PABPC4: variants seen among roughly 807,000 people sequenced by gnomAD.
PABPC4 encodes the protein poly(A) binding protein cytoplasmic 4, also known as polyadenylate-binding protein 4.
In PABPC4, 15 loss-of-function variants were observed where a neutral mutation model predicts 74.5. That is an observed-to-expected ratio of 0.20 (90% CI 0.13 to 0.31). PABPC4 has a LOEUF of 0.31. PABPC4 is among the 10% of genes least tolerant of loss of function. The probability of loss-of-function intolerance (pLI) is 1.00; values close to 1 mark genes in which losing one functional copy is unlikely to be tolerated. For synonymous variants in PABPC4, 345 were observed against 303.0 expected (o/e 1.14, Z -1.44); for missense variants, 610 against 853.5 (o/e 0.71, Z 3.55).
rs900521443 is a variant in PABPC4, at chr1:39,560,875, C to T, written c.*261G>A. 9.9e-6 allele frequency: 2 copies of T among 203,014 alleles called. No individual in the cohort carries two copies. Among genetic ancestry groups the T allele is most frequent in the African/African-American group, 4.6e-5 (2 of 43,628 alleles). 12.6% of individuals were successfully genotyped at this position (203,014 alleles called of 1,614,324 possible). On this transcript the variant is annotated 3_prime_UTR_variant, in exon 16 of 16. Coordinates refer to ENST00000372858, the MANE Select transcript of PABPC4 (RefSeq NM_001135653.2). ...TAAGACTTGGGTACATCAAATAAAA[C>T]CAATTTCTGGGGGAAAAAATCAAAA...
chr1:39,565,057 A>G, intron 8 of PABPC4, 49 bp downstream of exon 8: 2 of 1,599,952 alleles, frequency 1.3e-6, no homozygotes, highest in South Asian at 1.1e-5. Flanking sequence ...ACTGCAGAAT[A>G]CTGCCAGCCG....
At position 39,564,726 on chromosome 1, in the gene PABPC4, C is replaced by A; in HGVS notation, c.1293G>T (p.Met431Ile). Residue 431 changes from methionine to isoleucine, a missense_variant, in exon 9 of 16, where the codon ATG becomes ATT. Met to Ile is a conservative substitution (Grantham distance 10). Around this residue, in one of 4 missense-constraint regions of PABPC4, gnomAD observed 277 missense variants for 301.8 expected, o/e 0.92. Coordinates refer to ENST00000372858, the MANE Select transcript of PABPC4 (RefSeq NM_001135653.2). The stretch of plus-strand genomic sequence containing the variant: ...CTTGCTGCCAGCGTGGATTAGGCCT[C>A]ATCTGTGCTAACTGGTTAGGTGTAT... ...PYYTPNQLAQ[M>I]RPNPRWQQGG... 6.2e-7 allele frequency: 1 copy of A among 1,614,158 alleles called. No homozygotes were observed. Among genetic ancestry groups the A allele is most frequent in the Non-Finnish European group, 8.5e-7 (1 of 1,180,020 alleles).
At chr1:39,563,963 A>G in intron 10 of PABPC4, 41 bp from the exon 11 acceptor site, 1 of 1,582,454 alleles carries the variant, frequency 6.3e-7, no homozygotes, top group Middle Eastern at 1.7e-4. Flanking sequence ...TTGGCGGCAG[A>G]TGTCCAACTG....
At position 39,575,743 on chromosome 1, in the gene PABPC4, C is replaced by A; in HGVS notation, c.193+16G>T. 6.4e-7 allele frequency: 1 copy of A among 1,562,210 alleles called. No homozygotes were observed. Among genetic ancestry groups the A allele is most frequent in the Non-Finnish European group, 8.7e-7 (1 of 1,149,332 alleles). On this transcript the variant is annotated intron_variant, in intron 1 of 15. Coordinates refer to ENST00000372858, the MANE Select transcript of PABPC4 (RefSeq NM_001135653.2). ...CTCCGGGCTCCCACGCACGTGTGGG[C>A]ACAGCTTCTACTCACCGTCGGCCGG... is the stretch of plus-strand genomic sequence containing the variant.
rs1329647174 is a variant in PABPC4 at position 39,568,943 on chromosome 1, GA to G, written c.739-5del. The G allele has an allele frequency of 6.2e-7, 1 of 1,607,000 alleles. No homozygotes were observed. The highest frequency in any genetic ancestry group is 8.5e-7 in the Non-Finnish European group (1 of 1,177,916). On this transcript the variant is annotated splice_polypyrimidine_tract_variant and splice_region_variant and intron_variant, in intron 5 of 15. Transcript: ENST00000372858. The stretch of plus-strand genomic sequence containing the variant: ...TTCCATTCATCTCTTCCACAGCCTA[GA>G]GAGGAAAAATATGTCTTTAAAATAA...
intron 2 of PABPC4, 111 bp from the exon 3 acceptor site, chr1:39,571,460 G>GTACTTGACCACCATT: frequency 8.0e-7 from 1 of 1,243,152 alleles, no homozygotes; most frequent in Non-Finnish European, 1.2e-6. Flanking sequence ...GGCCAATGGT[G>GTACTTGACCACCATT]GTCAAGTACA....
rs754954979 is a variant in PABPC4 at position 39,563,855 on chromosome 1, A to G, written c.1521T>C (p.Thr507=). The G allele has an allele frequency of 1.2e-6, 2 of 1,614,246 alleles. No homozygotes were observed. Among genetic ancestry groups the G allele is most frequent in the Middle Eastern group, 1.6e-4 (1 of 6,062 alleles). The change falls in exon 11 of 16, where the codon ACT becomes ACC. Residue 507 remains threonine (T), a synonymous_variant. Coordinates refer to ENST00000372858, the MANE Select transcript of PABPC4 (RefSeq NM_001135653.2). ...GGAGAAQQGL[T]DSCQSGGVPT... ...TACCACCTCCAGACTGGCAGCTGTC[A>G]GTCAGCCCTTGCTGGGCGGCACCAG...
rs1210802058 is a variant in PABPC4 at position 39,576,777 on chromosome 1, C to G, written c.-826G>C. On this transcript the variant is annotated 5_prime_UTR_variant, in exon 1 of 16. Coordinates refer to ENST00000372858, the MANE Select transcript of PABPC4 (RefSeq NM_001135653.2). Reference sequence around the variant, plus strand: ...GAAAGCGGCGGAGGCGGCAGCGACCCGGGGCGGAGAGAGGCGGCCGAGGGA... The same window carrying G: ...GAAAGCGGCGGAGGCGGCAGCGACCGGGGGCGGAGAGAGGCGGCCGAGGGA... 2 of 150,008 alleles carry G rather than the reference C, an allele frequency of 1.3e-5. No homozygotes were observed. Among genetic ancestry groups the G allele is most frequent in the African/African-American group, 4.9e-5 (2 of 41,196 alleles). The allele number at this position is 150,008 out of a possible 1,614,324, so 9.3% of individuals were successfully genotyped here.
At chr1:39,562,602 T>G in intron 12 of PABPC4, 186 bp from the exon 13 acceptor site, 1 of 536,338 alleles carries the variant, frequency 1.9e-6, no homozygotes, top group East Asian at 2.9e-5. Flanking sequence ...CAGAGTGGTA[T>G]GGACATAAAC....
chr1:39,567,366 C>A (rs1490249816), intron 7 of PABPC4: 1 of 520,276 alleles, frequency 1.9e-6, no homozygotes, highest in Non-Finnish European at 3.8e-6. Flanking sequence ...CCTTCATTCT[C>A]AAGGAGAAAA....
rs370359596 is a variant in PABPC4, at chr1:39,563,713, C to T, written c.1569G>A (p.Ala523=). The change falls in exon 12 of 16, where the codon GCG becomes GCA. Residue 523 remains alanine, a synonymous_variant. Coordinates refer to ENST00000372858, the MANE Select transcript of PABPC4 (RefSeq NM_001135653.2). ...CAGCAGCAGCAACAGCAGCGCGTGG[C>T]GCTAAGTTCTGCACAGCTGTGGGAA... The part of the protein sequence containing the change: ...GGVPTAVQNL[A]PRAAVAAAAP... 41 of 1,614,078 alleles carry T rather than the reference C, an allele frequency of 2.5e-5. No homozygotes were observed. The highest frequency in any genetic ancestry group is 1.6e-4 in the Middle Eastern group (1 of 6,082).
rs1267805455 is a variant in PABPC4, at chr1:39,563,661, A to T, written c.1621T>A (p.Tyr541Asn). Residue 541 changes from tyrosine to asparagine, a missense_variant, in exon 12 of 16, where the codon TAC becomes AAC. Tyr to Asn is a moderately radical substitution (Grantham distance 143). Around this residue, in one of 4 missense-constraint regions of PABPC4, gnomAD observed 277 missense variants for 301.8 expected, o/e 0.92. Coordinates refer to ENST00000372858, the MANE Select transcript of PABPC4 (RefSeq NM_001135653.2). ...AAPRAVAPYK[Y>N]ASSVRSPHPA... ...TGAGGGCTGCGGACACTGGAGGCGT[A>T]TTTGTAGGGGGCAACAGCCCGGGGA... 1 of 1,614,240 alleles carries T rather than the reference A, an allele frequency of 6.2e-7. No individual in the cohort carries two copies. The highest frequency in any genetic ancestry group is 8.5e-7 in the Non-Finnish European group (1 of 1,180,048).
At chr1:39,569,055 A>C (rs548588142) in intron 5 of PABPC4, 116 bp from the exon 6 acceptor site, 2 of 1,066,338 alleles carry the variant, frequency 1.9e-6, no homozygotes, top group East Asian at 4.8e-5. Context: ...AATTCACTCC[A>C]CCTCTGAAGT....
In PABPC4 at chr1:39,565,179, G is replaced by A. The variant is rs1645818726; in HGVS notation, c.1172C>T (p.Ala391Val). Reference protein sequence around the residue: ...QYMQRVAGMRALPANAILNQF... With the variant: ...QYMQRVAGMRVLPANAILNQF... ...ATTTAAGATGGCATTGGCAGGAAGT[G>A]CTCTCATTCCAGCCACTCGTTGCAT... Residue 391 changes from alanine to valine, a missense_variant, in exon 8 of 16, where the codon GCA (alanine) becomes GTA (valine). Ala to Val is a moderately conservative substitution (Grantham distance 64, BLOSUM62 0). This residue lies in a region of PABPC4 where 277 missense variants were observed against 301.8 expected (regional missense o/e 0.92). Transcript: ENST00000372858. The A allele has an allele frequency of 2.5e-6, 4 of 1,614,052 alleles. No individual in the cohort carries two copies. In the East Asian group the frequency reaches 8.9e-5, roughly 36 times the overall value.
At chr1:39,568,054 G>A (rs560547517) in intron 6 of PABPC4, 25 of 435,130 alleles carry the variant, frequency 5.7e-5, no homozygotes, top group Admixed American at 1.9e-4. Context: ...TCAGGAGATC[G>A]AGACCATCCT....
chr1:39,565,644 A>G (rs568354538), intron 7 of PABPC4, among the ~76,000 whole-genome samples: 1 of 152,290 alleles, frequency 6.6e-6, no homozygotes, highest in African/African-American at 2.4e-5. Flanking sequence ...CCTGACCAAC[A>G]TGGTGCAACC....
chr1:39,560,967 T>C lies in PABPC4; in HGVS notation c.*169A>G, dbSNP rs1255406163. 3.0e-6 allele frequency: 1 copy of C among 329,378 alleles called. No homozygotes were observed. The highest frequency in any genetic ancestry group is 2.6e-5 in the South Asian group (1 of 39,130). The allele number at this position is 329,378 out of a possible 1,614,324, so 20.4% of individuals were successfully genotyped here. A position where few individuals can be genotyped will look rare whatever the true frequency, so the allele number is the denominator to read the frequency against. The stretch of plus-strand genomic sequence containing the variant: ...GAACCCAAAGAACATATTCGTATAA[T>C]TGAAAAATTCTAGGTGCTTCATAAT... On this transcript the variant is annotated 3_prime_UTR_variant, in exon 16 of 16. Transcript: ENST00000372858.
rs751631876 is a variant in PABPC4, at chr1:39,562,349, G to C, written c.1736C>G (p.Pro579Arg). ...PLTASMLAAA[P>R]PQEQKQMLGE... ...CAGCATCTGCTTCTGTTCCTGGGGG[G>C]GTGCTGCAGCCAGCATGGAGGCAGT... The change falls in exon 13 of 16, where the codon CCC becomes CGC. Residue 579 changes from proline (P) to arginine (R), a missense_variant. Physicochemically the swap from Pro to Arg is moderately radical, Grantham distance 103. This residue lies in a region of PABPC4 where 277 missense variants were observed against 301.8 expected (regional missense o/e 0.92). Transcript: ENST00000372858. 1.9e-6 allele frequency: 3 copies of C among 1,614,090 alleles called. No individual in the cohort carries two copies. Among genetic ancestry groups the C allele is most frequent in the Non-Finnish European group, 2.5e-6 (3 of 1,180,010 alleles).
intron 3 of PABPC4, among the ~76,000 whole-genome samples, 200 bp from the exon 4 acceptor site, chr1:39,570,202 G>C (rs1181363122): frequency 6.6e-6 from 1 of 152,222 alleles, no homozygotes; most frequent in Non-Finnish European, 1.5e-5. Flanking sequence ...ACCAGCCCCA[G>C]GGCTCCTGGC....
Sources: gnomAD v4.1 joint callset for allele counts (sites outside exome capture counted in the v4.1 genomes callset) on GRCh38, gnomAD v4.1.1 for gene constraint, gnomAD v4.1.1 regional missense constraint, MANE v1.5 for transcripts, NCBI Gene and HGNC (gene_info 2026-07-23, HGNC 2026-07-21) for gene names.